The following ABCG8 variants were observed in gnomAD, a reference collection of about 807,000 sequenced individuals.
ABCG8 encodes the protein ATP-binding cassette sub-family G member 8.
A neutral mutation model predicts 71.3 loss-of-function variants in ABCG8; 81 were observed. That is an observed-to-expected ratio of 1.14 (90% CI 0.95 to 1.37). The LOEUF (loss-of-function observed/expected upper bound fraction) is 1.37. ABCG8 is among the 40% of genes most tolerant of loss of function. The probability of loss-of-function intolerance (pLI) is 0.00; values close to 1 mark genes in which losing one functional copy is unlikely to be tolerated. For synonymous variants in ABCG8, 451 were observed against 354.7 expected (o/e 1.27, Z -3.05); for missense variants, 1,119 against 866.2 (o/e 1.29, Z -3.66).
At chr2:43,873,124 T>C (rs1185534231) in intron 8 of ABCG8, among the ~76,000 whole-genome samples, 1 of 152,064 alleles carries the variant, frequency 6.6e-6, no homozygotes, top group African/African-American at 2.4e-5. Flanking sequence ...TCCATCTTGA[T>C]GGCCAGATTA....
At chr2:43,872,440 G>C in intron 8 of ABCG8, 134 bp downstream of exon 8, 1 of 1,068,724 alleles carries the variant, frequency 9.4e-7, no homozygotes, top group Non-Finnish European at 1.4e-6. Flanking sequence ...ACAGCATCCA[G>C]CAGGGCGTTG....
rs1371737404 is a variant in ABCG8, at chr2:43,880,814, GTTAT to G, written c.*2905_*2908del. 2 of 152,156 alleles carry G rather than the reference GTTAT, an allele frequency of 1.3e-5. No homozygotes were observed. Among genetic ancestry groups the G allele is most frequent in the Non-Finnish European group, 2.9e-5 (2 of 68,046 alleles). 9.4% of individuals were successfully genotyped at this position (152,156 alleles called of 1,614,324 possible). On this transcript the variant is annotated 3_prime_UTR_variant, in exon 13 of 13. Coordinates refer to ENST00000272286, the MANE Select transcript of ABCG8 (RefSeq NM_022437.3). ...GAAACCTGGCTTCCATTACCCTTAG[GTTAT>G]TTACTCATTTGATTAACCGCCTGCA...
intron 6 of ABCG8, among the ~76,000 whole-genome samples, chr2:43,857,960 C>G (rs1016841903): frequency 3.3e-5 from 5 of 151,036 alleles, no homozygotes; most frequent in Non-Finnish European, 5.9e-5. Flanking sequence ...AGATTGCTCA[C>G]CATCTGGATA....
At chr2:43,874,560 G>A in intron 10 of ABCG8, 77 bp downstream of exon 10, 1 of 1,269,144 alleles carries the variant, frequency 7.9e-7, no homozygotes, top group Non-Finnish European at 1.2e-6. Flanking sequence ...GTTGCTACAA[G>A]GAAGGCTTTT....
chr2:43,852,490 A>G lies in ABCG8; in HGVS notation c.694+4A>G. The stretch of plus-strand genomic sequence containing the variant: ...GTGCAGCTCCTGTGGAACCCAGGTG[A>G]GGGCCTGGGGGGCAGATGGGGGCAG... On this transcript the variant is annotated splice_donor_region_variant and intron_variant, in intron 5 of 12. Coordinates refer to ENST00000272286, the MANE Select transcript of ABCG8 (RefSeq NM_022437.3). 6.2e-7 allele frequency: 1 copy of G among 1,613,152 alleles called. No individual in the cohort carries two copies. Among genetic ancestry groups the G allele is most frequent in the Non-Finnish European group, 8.5e-7 (1 of 1,179,560 alleles).
chr2:43,846,466 G>C, intron 3 of ABCG8, 155 bp downstream of exon 3: 1 of 1,131,458 alleles, frequency 8.8e-7, no homozygotes, highest in Non-Finnish European at 1.3e-6. Flanking sequence ...GACAGACCTG[G>C]GCTCAAATCC....
At chr2:43,874,572 T>G (rs13405698) in intron 10 of ABCG8, 89 bp downstream of exon 10, 22 of 1,105,492 alleles carry the variant, frequency 2.0e-5, no homozygotes, top group Non-Finnish European at 2.8e-5. Flanking sequence ...AAGGCTTTTC[T>G]GAACCATGGG....
At chr2:43,860,419 A>G (rs533286775) in intron 6 of ABCG8, among the ~76,000 whole-genome samples, 95 of 151,294 alleles carry the variant, frequency 6.3e-4, no homozygotes, top group Non-Finnish European at 1.2e-3. Flanking sequence ...CACGATCTGG[A>G]TAGAACTCTC....
intron 3 of ABCG8, among the ~76,000 whole-genome samples, chr2:43,850,354 T>G (rs930488870): frequency 1.3e-4 from 20 of 152,178 alleles, no homozygotes; most frequent in Admixed American, 1.1e-3. Context: ...CACCGAAAGT[T>G]TTTGGAAACT....
At chr2:43,871,649 G>A (rs1388671541) in intron 6 of ABCG8, among the ~76,000 whole-genome samples, 3 of 152,222 alleles carry the variant, frequency 2.0e-5, no homozygotes, top group Non-Finnish European at 2.9e-5. Flanking sequence ...GGCTCTGAAG[G>A]CTCTTGCTCT....
chr2:43,857,841 C>T (rs1669166597), intron 6 of ABCG8, among the ~76,000 whole-genome samples: 1 of 151,424 alleles, frequency 6.6e-6, no homozygotes. Flanking sequence ...TTTCACCATC[C>T]ATGAACAACT....
At chr2:43,868,744 A>C (rs1289781274) in intron 6 of ABCG8, among the ~76,000 whole-genome samples, 2 of 152,024 alleles carry the variant, frequency 1.3e-5, no homozygotes, top group African/African-American at 4.8e-5. Context: ...ATCAGGATAG[A>C]ATTCTCACTC....
chr2:43,849,541 T>C (rs1466399533), intron 3 of ABCG8, among the ~76,000 whole-genome samples: 1 of 151,952 alleles, frequency 6.6e-6, no homozygotes, highest in African/African-American at 2.4e-5. Context: ...CAATTTCGGA[T>C]GAGATTCGGG....
intron 2 of ABCG8, 46 bp downstream of exon 2, chr2:43,844,654 G>T (rs762874976): frequency 1.3e-6 from 2 of 1,484,126 alleles, no homozygotes; most frequent in Middle Eastern, 1.7e-4. Context: ...GGCAGGGACA[G>T]CCAGGAAATT....
chr2:43,881,553 A>T lies in ABCG8; in HGVS notation c.*3640A>T, dbSNP rs1670131560. On this transcript the variant is annotated 3_prime_UTR_variant, in exon 13 of 13. Transcript: ENST00000272286. ...GCAAAACCCTGCCTCTACTAAAAAT[A>T]CAAAAATTAGCTGGGCATGGTAGTG... 6.6e-6 allele frequency: 1 copy of T among 152,262 alleles called. No homozygotes were observed. The highest frequency in any genetic ancestry group is 1.9e-4 in the East Asian group (1 of 5,198). 9.4% of individuals were successfully genotyped at this position (152,262 alleles called of 1,614,324 possible).
chr2:43,851,081 A>G (rs1668899471), intron 3 of ABCG8, among the ~76,000 whole-genome samples: 4 of 152,148 alleles, frequency 2.6e-5, no homozygotes, highest in Admixed American at 2.0e-4. Flanking sequence ...TTGGTTTTGC[A>G]TGTTTAAAAG....
At chr2:43,851,352 A>T (rs549996514) in intron 3 of ABCG8, among the ~76,000 whole-genome samples, 107 of 152,324 alleles carry the variant, frequency 7.0e-4, no homozygotes, top group Admixed American at 1.4e-3. Flanking sequence ...CAGCGCCATC[A>T]TGCCTTGCAG....
chr2:43,843,693 G>A (rs544866019), intron 1 of ABCG8, among the ~76,000 whole-genome samples: 1 of 152,226 alleles, frequency 6.6e-6, no homozygotes, highest in East Asian at 1.9e-4. Context: ...TTGCTTCTTT[G>A]TTTGGGCCTC....
intron 10 of ABCG8, among the ~76,000 whole-genome samples, chr2:43,874,870 G>C (rs1669906348): frequency 6.6e-6 from 1 of 152,164 alleles, no homozygotes; most frequent in Non-Finnish European, 1.5e-5. Flanking sequence ...ATCTGGTCAG[G>C]GGGAGTAGGG....
Sources: gnomAD v4.1 joint callset for allele counts (sites outside exome capture counted in the v4.1 genomes callset) on GRCh38, gnomAD v4.1.1 for gene constraint, MANE v1.5 for transcripts, NCBI Gene and HGNC (gene_info 2026-07-23, HGNC 2026-07-21) for gene names.